Variants in COL19A1 observed in about 807,000 individuals in gnomAD.
The protein encoded by COL19A1 is collagen type XIX alpha 1 chain.
A neutral mutation model predicts 190.2 loss-of-function variants in COL19A1; 159 were observed. The ratio of observed to expected loss-of-function variants is 0.84; its 90% CI spans 0.73 to 0.95. The LOEUF (loss-of-function observed/expected upper bound fraction) is 0.95. Ranked by LOEUF, COL19A1 falls within the 40% of genes least tolerant of loss-of-function variation. COL19A1 has a pLI of 0.00. For synonymous variants in COL19A1, 509 were observed against 458.9 expected (o/e 1.11, Z -1.39); for missense variants, 1,418 against 1,431.9 (o/e 0.99, Z 0.16).
At chr6:70,169,774 T>C (rs1477856706) in intron 40 of COL19A1, among the ~76,000 whole-genome samples, 1 of 152,126 alleles carries the variant, frequency 6.6e-6, no homozygotes, top group African/African-American at 2.4e-5. Context: ...TTTTCTTACA[T>C]CTTGTTGATA....
chr6:70,008,333 C>T (rs552800747), intron 11 of COL19A1, among the ~76,000 whole-genome samples: 1 of 151,616 alleles, frequency 6.6e-6, no homozygotes, highest in South Asian at 2.1e-4. Flanking sequence ...AAAAAATTAC[C>T]AGTAACTACA....
intron 46 of COL19A1, among the ~76,000 whole-genome samples, 155 bp from the exon 47 acceptor site, chr6:70,187,920 C>T (rs1766626919): frequency 6.6e-6 from 1 of 152,118 alleles, no homozygotes; most frequent in South Asian, 2.1e-4. Context: ...TTAATATGCC[C>T]ACTTTGTAGG....
intron 8 of COL19A1, among the ~76,000 whole-genome samples, chr6:69,937,610 A>G (rs1376665471): frequency 1.3e-5 from 2 of 152,174 alleles, no homozygotes; most frequent in Admixed American, 6.6e-5. Context: ...GTGCCCTAGC[A>G]CTGTGACTTA....
rs781065716 is a variant in COL19A1, at chr6:70,188,155, C to T, written c.2937C>T (p.Ile979=). The change falls in exon 47 of 51, where the codon ATC becomes ATT. Residue 979 remains isoleucine, a synonymous_variant. Coordinates refer to ENST00000620364, the MANE Select transcript of COL19A1 (RefSeq NM_001858.6). ...GCCTTACAGGCATGAAGGGGGCCAT[C>T]GGTCCTATGGGTCCACCAGGAAACA... The part of the protein sequence containing the change: ...KPGLTGMKGA[I]GPMGPPGNKG... The T allele has an allele frequency of 1.2e-5, 20 of 1,613,844 alleles. No homozygotes were observed. The highest frequency in any genetic ancestry group is 3.3e-5 in the Admixed American group (2 of 59,986).
chr6:69,886,628 T>TTG (rs1554157652), intron 2 of COL19A1, among the ~76,000 whole-genome samples: 138 of 151,872 alleles, frequency 9.1e-4, no homozygotes, highest in Middle Eastern at 3.4e-3. Context: ...TTTTTTTTTT[T>TTG]TGTGTGGTGA....
intron 12 of COL19A1, among the ~76,000 whole-genome samples, chr6:70,024,492 TA>T (rs1778615643): frequency 6.6e-6 from 1 of 151,996 alleles, no homozygotes; most frequent in African/African-American, 2.4e-5. Flanking sequence ...CCTAATGCCC[TA>T]GATGTGTTCA....
rs145613913 is a variant in COL19A1, at chr6:70,145,973, G to A, written c.1771-686G>A. On this transcript the variant is annotated intron_variant, in intron 25 of 50. Transcript: ENST00000620364. ...TGAGCTCAAGTGATCTACCCATCTC[G>A]GCCTCCCAAAGTGCTGGGATTACAG... is the stretch of plus-strand genomic sequence containing the variant. 2.3e-3 allele frequency among the ~76,000 whole-genome samples: 346 copies of A among 152,016 alleles called. 1 individual carries two copies. The highest frequency in any genetic ancestry group is 3.7e-3 in the Non-Finnish European group (252 of 67,986).
chr6:69,906,596 AAC>A (rs754463290), intron 4 of COL19A1, among the ~76,000 whole-genome samples: 7 of 152,236 alleles, frequency 4.6e-5, no homozygotes, highest in African/African-American at 1.4e-4. Flanking sequence ...GTGAAAAAAT[AAC>A]ACAGATTAAA....
intron 7 of COL19A1, 138 bp from the exon 8 acceptor site, chr6:69,936,647 C>T (rs994333603): frequency 9.7e-7 from 1 of 1,034,960 alleles, no homozygotes; most frequent in African/African-American, 1.6e-5. Context: ...CATTCTCACA[C>T]TGGTGTTAAC....
Position 69,894,733 on chromosome 6 carries a change from A to G in COL19A1, c.92-4215A>G, listed in dbSNP as rs1769598526. 2.0e-5 allele frequency among the ~76,000 whole-genome samples: 3 copies of G among 152,312 alleles called. No homozygotes were observed. In the South Asian group the frequency reaches 6.2e-4, roughly 32 times the overall value. The stretch of plus-strand genomic sequence containing the variant: ...AGGATTGCTAAACAAAGCCTTGCCA[A>G]GCAGTTACAGGCCATGCCCCCAGGA... On this transcript the variant is annotated intron_variant, in intron 2 of 50. Coordinates refer to ENST00000620364, the MANE Select transcript of COL19A1 (RefSeq NM_001858.6).
Position 69,924,719 on chromosome 6 carries a change from C to T in COL19A1, c.267-3190C>T, listed in dbSNP as rs546634875. ...TCCCACCAACAGTGTAAAAGTGTTC[C>T]TATTTCTCCACATCCTCTCCAGCAC... On this transcript the variant is annotated intron_variant, in intron 4 of 50. Transcript: ENST00000620364. 2.6e-5 allele frequency among the ~76,000 whole-genome samples: 4 copies of T among 152,168 alleles called. No individual in the cohort carries two copies. In the South Asian group the frequency reaches 8.3e-4, roughly 31 times the overall value.
chr6:69,898,960 C>T lies in COL19A1; in HGVS notation c.104C>T (p.Pro35Leu). 2.5e-6 allele frequency: 4 copies of T among 1,609,288 alleles called. No homozygotes were observed. Among genetic ancestry groups the T allele is most frequent in the Non-Finnish European group, 3.4e-6 (4 of 1,176,406 alleles). Residue 35 changes from proline to leucine, a missense_variant, in exon 3 of 51, where the codon CCT becomes CTT. Coordinates refer to ENST00000620364, the MANE Select transcript of COL19A1 (RefSeq NM_001858.6). ...TCTTTTTAAATAGAAGAGTCATGCC[C>T]TATCCTGAGAATAGAGGGACATCAG... ...TVRDKTEESC[P>L]ILRIEGHQLT... is the part of the protein sequence containing the mutation.
chr6:70,118,859 C>T (rs779616657), intron 16 of COL19A1, among the ~76,000 whole-genome samples: 2 of 152,094 alleles, frequency 1.3e-5, no homozygotes, highest in African/African-American at 2.4e-5. Flanking sequence ...TGCACTGAGC[C>T]GTGCATATTC....
At chr6:70,100,647 C>A (rs1783574101) in intron 15 of COL19A1, among the ~76,000 whole-genome samples, 1 of 151,060 alleles carries the variant, frequency 6.6e-6, no homozygotes, top group African/African-American at 2.4e-5. Flanking sequence ...CACATACCAC[C>A]ATGCCTGGCT....
rs555688844 is a variant in COL19A1, at chr6:69,949,523, T to A, written c.937-10473T>A. On this transcript the variant is annotated intron_variant, in intron 9 of 50. Coordinates refer to ENST00000620364, the MANE Select transcript of COL19A1 (RefSeq NM_001858.6). ...AACAGTAGGTTAATAAATTGTAAAA[T>A]TTTTTTTAAATTTCAAAATTTTAAA... Among the ~76,000 whole-genome samples the A allele has an allele frequency of 7.2e-5, 11 of 151,944 alleles. No individual in the cohort carries two copies. In the South Asian group the frequency reaches 8.3e-4, roughly 11 times the overall value.
rs1409509241 is a variant in COL19A1, at chr6:70,150,006, A to T, written c.1998A>T (p.Arg666Ser). 6.2e-7 allele frequency: 1 copy of T among 1,613,750 alleles called. No individual in the cohort carries two copies. The highest frequency in any genetic ancestry group is 8.5e-7 in the Non-Finnish European group (1 of 1,179,806). ...TCTGTTTTCAGGGAGTTCCAGGGAG[A>T]GATGGAAAGCCAGGCCTGCCAGGCC... ...GTPGNDGVPG[R>S]DGKPGLPGPP... is the part of the protein sequence containing the mutation. The change falls in exon 30 of 51, where the codon AGA (arginine) becomes AGT (serine). Residue 666 changes from arginine to serine, a missense_variant. Coordinates refer to ENST00000620364, the MANE Select transcript of COL19A1 (RefSeq NM_001858.6).
intron 1 of COL19A1, chr6:69,867,648 C>T (rs986052380): frequency 3.9e-5 from 6 of 152,212 alleles, no homozygotes; most frequent in African/African-American, 1.4e-4. Context: ...GTAAGCGAAC[C>T]CCCTTAGAGG....
At chr6:69,943,878 C>T (rs751817575) in intron 9 of COL19A1, among the ~76,000 whole-genome samples, 14 of 151,996 alleles carry the variant, frequency 9.2e-5, no homozygotes, top group South Asian at 2.1e-4. Context: ...ACAATTATTC[C>T]GAATAGTCAT....
At chr6:70,195,822 G>A (rs1400461186) in intron 48 of COL19A1, among the ~76,000 whole-genome samples, 1 of 152,130 alleles carries the variant, frequency 6.6e-6, no homozygotes, top group African/African-American at 2.4e-5. Flanking sequence ...TAGTTTTCTT[G>A]CATTTGTTAA....
Sources: allele counts gnomAD v4.1 joint callset (sites outside exome capture counted in the v4.1 genomes callset), GRCh38; gene constraint gnomAD v4.1.1; transcripts MANE v1.5; gene names NCBI Gene and HGNC (gene_info 2026-07-23, HGNC 2026-07-21).